ABL1: variants seen among roughly 807,000 people sequenced by gnomAD.
The protein encoded by ABL1 is ABL proto-oncogene 1, non-receptor tyrosine kinase, also known as tyrosine-protein kinase ABL1.
In ABL1, 11 loss-of-function variants were observed where a neutral mutation model predicts 94.7. That is an observed-to-expected ratio of 0.12 (90% CI 0.07 to 0.19). The LOEUF is 0.19. Ranked by LOEUF, ABL1 falls within the 10% of genes least tolerant of loss-of-function variation. The pLI, the probability that ABL1 is intolerant of heterozygous loss-of-function variation, is 1.00. For synonymous variants in ABL1, 656 were observed against 622.4 expected (o/e 1.05, Z -0.80); for missense variants, 1,082 against 1,489.4 (o/e 0.73, Z 4.50).
intron 1 of ABL1, among the ~76,000 whole-genome samples, chr9:130,787,672 C>T (rs541243345): frequency 6.6e-6 from 1 of 152,276 alleles, no homozygotes; most frequent in Non-Finnish European, 1.5e-5. Context: ...CAGTCGTCGT[C>T]ACGAGCACCT....
Position 130,863,906 on chromosome 9 carries a change from G to A in ABL1, c.822+871G>A, listed in dbSNP as rs1440819066. ...TTTTTAGAGCTGTTAGAAAAGAACT[G>A]AAACATCCACCTCTGGGAAAAATAG... On this transcript the variant is annotated intron_variant, in intron 4 of 10. Coordinates refer to ENST00000318560, the MANE Select transcript of ABL1 (RefSeq NM_005157.6). The surrounding 1 kb of genome is among the most constrained non-coding windows in gnomAD (Gnocchi z 4.3). Among the ~76,000 whole-genome samples the A allele has an allele frequency of 1.3e-5, 2 of 152,148 alleles. No individual in the cohort carries two copies. The highest frequency in any genetic ancestry group is 2.9e-5 in the Non-Finnish European group (2 of 68,026).
chr9:130,864,857 A>T (rs1395367534), intron 4 of ABL1, among the ~76,000 whole-genome samples: 3 of 152,198 alleles, frequency 2.0e-5, no homozygotes, highest in African/African-American at 7.2e-5. Flanking sequence ...ATTTCAGCAC[A>T]CTTTCACCAG....
chr9:130,783,636 T>G (rs1489920866), intron 1 of ABL1, among the ~76,000 whole-genome samples: 1 of 151,918 alleles, frequency 6.6e-6, no homozygotes, highest in African/African-American at 2.4e-5. Flanking sequence ...TGTGCATGTG[T>G]TTTTTGTTTG....
At chr9:130,727,713 G>A (rs1339872736) in intron 1 of ABL1, among the ~76,000 whole-genome samples, 6 of 142,606 alleles carry the variant, frequency 4.2e-5, no homozygotes, top group African/African-American at 8.4e-5. Flanking sequence ...CCGAGATCGC[G>A]CCATTGCACT....
intron 1 of ABL1, among the ~76,000 whole-genome samples, chr9:130,763,767 A>T (rs1337608414): frequency 6.6e-6 from 1 of 152,120 alleles, no homozygotes; most frequent in African/African-American, 2.4e-5. Context: ...CTTTATAATC[A>T]CAGATGCTAC....
chr9:130,873,706 G>A (rs964557901), intron 6 of ABL1, among the ~76,000 whole-genome samples: 9 of 152,186 alleles, frequency 5.9e-5, no homozygotes, highest in Non-Finnish European at 1.0e-4. Flanking sequence ...CTTTGCTGGT[G>A]GAAATGGCTT....
intron 4 of ABL1, among the ~76,000 whole-genome samples, chr9:130,866,562 G>C (rs575385191): frequency 1.1e-3 from 175 of 152,194 alleles, no homozygotes; most frequent in Non-Finnish European, 1.9e-3. Flanking sequence ...TTGCCAGCAG[G>C]GGGAGCAAGG....
chr9:130,788,017 G>A (rs1330916797), intron 1 of ABL1, among the ~76,000 whole-genome samples: 1 of 152,066 alleles, frequency 6.6e-6, no homozygotes, highest in Non-Finnish European at 1.5e-5. Context: ...ATGGCTTTCT[G>A]CATCTTAAGC....
chr9:130,810,613 A>AG (rs1324673675), intron 1 of ABL1, among the ~76,000 whole-genome samples: 1 of 152,082 alleles, frequency 6.6e-6, no homozygotes, highest in East Asian at 1.9e-4. Context: ...AAAATGAAGC[A>AG]GAAAAAAAAA....
chr9:130,735,231 T>C (rs1028933252), intron 1 of ABL1, among the ~76,000 whole-genome samples: 21 of 152,248 alleles, frequency 1.4e-4, no homozygotes, highest in African/African-American at 4.8e-4. Flanking sequence ...GGTTTCACCA[T>C]GTTGGCCAGG....
At position 130,885,765 on chromosome 9, in the gene ABL1, A is replaced by T; in HGVS notation, c.*82A>T. ...TCGCCCATACCCGTGACAGTGGCTG[A>T]CAAGGGACTAGTGAGTCAGCACCTT... On this transcript the variant is annotated 3_prime_UTR_variant, in exon 11 of 11. Coordinates refer to ENST00000318560, the MANE Select transcript of ABL1 (RefSeq NM_005157.6). The T allele has an allele frequency of 1.3e-6, 2 of 1,501,102 alleles. No homozygotes were observed. The highest frequency in any genetic ancestry group is 1.8e-6 in the Non-Finnish European group (2 of 1,122,774). 93.0% of individuals were successfully genotyped at this position (1,501,102 alleles called of 1,614,324 possible). A position where few individuals can be genotyped will look rare whatever the true frequency, so the allele number is the denominator to read the frequency against.
chr9:130,816,436 A>C (rs1249844509), intron 1 of ABL1, among the ~76,000 whole-genome samples: 2 of 151,044 alleles, frequency 1.3e-5, no homozygotes, highest in African/African-American at 4.9e-5. Context: ...AGCTTCCCAA[A>C]GTGCTGGGAT....
At chr9:130,798,966 C>CAAAA (rs71389357) in intron 1 of ABL1, among the ~76,000 whole-genome samples, 15 of 66,820 alleles carry the variant, frequency 2.2e-4, no homozygotes, top group African/African-American at 3.3e-4. Flanking sequence ...GACTCCGTCT[C>CAAAA]AAAAAAAAAA....
In ABL1 at chr9:130,863,097, C is replaced by T. The variant is rs1189024603; in HGVS notation, c.822+62C>T. On this transcript the variant is annotated intron_variant, in intron 4 of 10. Coordinates refer to ENST00000318560, the MANE Select transcript of ABL1 (RefSeq NM_005157.6). The surrounding 1 kb of genome is among the most constrained non-coding windows in gnomAD (Gnocchi z 4.3). ...GGGCAAGGCGTCTGCTGGCATTAGG[C>T]GATGCATCTGCCTGGAAGTCTACCT... The T allele has an allele frequency of 1.0e-4, 150 of 1,498,354 alleles. No individual in the cohort carries two copies. In the South Asian group the frequency reaches 1.4e-3, roughly 14 times the overall value. The allele number at this position is 1,498,354 out of a possible 1,614,324, so 92.8% of individuals were successfully genotyped here.
At chr9:130,742,773 A>G (rs1160098953) in intron 1 of ABL1, among the ~76,000 whole-genome samples, 44 of 152,234 alleles carry the variant, frequency 2.9e-4, no homozygotes, top group Non-Finnish European at 1.0e-4. Context: ...TGTGTATCGT[A>G]TGTATGTTTA....
chr9:130,762,280 G>T (rs1204264392), intron 1 of ABL1, among the ~76,000 whole-genome samples: 3 of 152,098 alleles, frequency 2.0e-5, no homozygotes, highest in African/African-American at 7.2e-5. Context: ...CTGAAGGAGG[G>T]TTCATAGTAG....
At position 130,722,514 on chromosome 9, in the gene ABL1, G is replaced by A. The variant is rs531205344; in HGVS notation, c.136+8059G>A. ...AGGTATGTACTTTATTTTAGAGACA[G>A]GGTCTTGCTTTGTCACCCAGGCTGG... On this transcript the variant is annotated intron_variant, in intron 1 of 10. Transcript: ENST00000372348. Among the ~76,000 whole-genome samples the A allele has an allele frequency of 1.4e-4, 22 of 152,320 alleles. No individual in the cohort carries two copies. In the East Asian group the frequency reaches 4.2e-3, roughly 29 times the overall value.
intron 1 of ABL1, among the ~76,000 whole-genome samples, chr9:130,829,692 G>A (rs547240979): frequency 6.6e-6 from 1 of 151,668 alleles, no homozygotes; most frequent in South Asian, 2.1e-4. Context: ...GTATATAGAA[G>A]ACTAAATGAA....
At chr9:130,842,494 C>T (rs10901291) in intron 1 of ABL1, among the ~76,000 whole-genome samples, 34,807 of 152,080 alleles carry the variant, frequency 0.23, 5,054 homozygotes, top group African/African-American at 0.41. Context: ...TATTTAAAGA[C>T]AGGCCGTGAA....
Sources: allele counts gnomAD v4.1 joint callset (sites outside exome capture counted in the v4.1 genomes callset), GRCh38; gene constraint gnomAD v4.1.1; non-coding constraint Gnocchi (gnomAD v3.1); transcripts MANE v1.5; gene names NCBI Gene and HGNC (gene_info 2026-07-23, HGNC 2026-07-21).